The following GALNT2 variants were observed in gnomAD, a reference collection of about 807,000 sequenced individuals.
GALNT2 encodes the protein polypeptide N-acetylgalactosaminyltransferase 2, also known as UDP-GalNAc:polypeptide N-acetylgalactosaminyltransferase 2.
In GALNT2, 31 loss-of-function variants were observed where a neutral mutation model predicts 81.4. That is an observed-to-expected ratio of 0.38 (90% confidence interval 0.29 to 0.51). The LOEUF is 0.51. Ranked by LOEUF, GALNT2 falls within the 20% of genes least tolerant of loss-of-function variation. The pLI, the probability that GALNT2 is intolerant of heterozygous loss-of-function variation, is 0.87. For synonymous variants in GALNT2, 303 were observed against 287.4 expected (o/e 1.05, Z -0.55); for missense variants, 629 against 765.7 (o/e 0.82, Z 2.11).
chr1:230,129,023 C>A (rs1001592848), intron 1 of GALNT2, among the ~76,000 whole-genome samples: 4 of 152,240 alleles, frequency 2.6e-5, no homozygotes, highest in Non-Finnish European at 5.9e-5. Flanking sequence ...AAGCACACAC[C>A]CTGCTTTTAC....
intron 3 of GALNT2, among the ~76,000 whole-genome samples, chr1:230,224,621 T>C (rs1406824343): frequency 6.6e-6 from 1 of 152,260 alleles, no homozygotes; most frequent in Non-Finnish European, 1.5e-5. Flanking sequence ...CTAATGTTTT[T>C]CCCCTTCTGT....
At chr1:230,115,347 A>G (rs911097771) in intron 1 of GALNT2, among the ~76,000 whole-genome samples, 3 of 152,064 alleles carry the variant, frequency 2.0e-5, no homozygotes, top group Admixed American at 6.6e-5. Flanking sequence ...ACGTCTGAGA[A>G]AATTGTGGGT....
intron 1 of GALNT2, among the ~76,000 whole-genome samples, chr1:230,110,286 A>T (rs1660663033): frequency 6.6e-6 from 1 of 152,000 alleles, no homozygotes; most frequent in African/African-American, 2.4e-5. Context: ...TTTTAGGGGG[A>T]CCAAAAGGAT....
At chr1:230,136,427 A>G (rs963063479) in intron 1 of GALNT2, among the ~76,000 whole-genome samples, 1 of 152,134 alleles carries the variant, frequency 6.6e-6, no homozygotes, top group African/African-American at 2.4e-5. Flanking sequence ...CTCTTTAGAC[A>G]TCGAACCTAA....
At chr1:230,185,128 C>T (rs1663282425) in intron 2 of GALNT2, among the ~76,000 whole-genome samples, 1 of 152,074 alleles carries the variant, frequency 6.6e-6, no homozygotes, top group East Asian at 1.9e-4. Flanking sequence ...TCTGTCTGTT[C>T]TTGTGTGTTA....
chr1:230,217,194 A>AG (rs147293307), intron 3 of GALNT2, among the ~76,000 whole-genome samples: 6,725 of 152,200 alleles, frequency 0.044, 193 homozygotes, highest in Non-Finnish European at 0.064. Context: ...AATACAGAAG[A>AG]GAAAAAAAAA....
chr1:230,176,432 T>G (rs1333117374), intron 1 of GALNT2, among the ~76,000 whole-genome samples: 1 of 152,204 alleles, frequency 6.6e-6, no homozygotes, highest in Non-Finnish European at 1.5e-5. Context: ...GCTACAAGTT[T>G]AAATGATTTG....
intron 1 of GALNT2, among the ~76,000 whole-genome samples, chr1:230,166,961 T>C (rs1259560669): frequency 6.6e-6 from 1 of 152,230 alleles, no homozygotes; most frequent in Non-Finnish European, 1.5e-5. Context: ...ACCTGGGCTG[T>C]ACTGCCAAGA....
In GALNT2 at chr1:230,077,645, G is replaced by C. The variant is rs551551907; in HGVS notation, c.126+10239G>C. Among the ~76,000 whole-genome samples the C allele has an allele frequency of 2.0e-5, 3 of 152,150 alleles. No homozygotes were observed. In the South Asian group the frequency reaches 6.2e-4, roughly 32 times the overall value. On this transcript the variant is annotated intron_variant, in intron 1 of 15. Transcript: ENST00000366672. ...CAAAGTGTTCTAAAAGTTTTTCAGA[G>C]TCCAAGCACTCTGAGTCACTTTTTG...
At chr1:230,198,050 G>A (rs1038803276) in intron 2 of GALNT2, among the ~76,000 whole-genome samples, 6 of 152,192 alleles carry the variant, frequency 3.9e-5, no homozygotes, top group Non-Finnish European at 7.3e-5. Flanking sequence ...CGGCTGTATC[G>A]GCACGCAGCG....
chr1:230,169,389 A>G (rs1045953881), intron 1 of GALNT2, among the ~76,000 whole-genome samples: 14 of 152,238 alleles, frequency 9.2e-5, no homozygotes, highest in African/African-American at 3.4e-4. Flanking sequence ...GCCTAAGGTC[A>G]TAGAGATAGA....
Position 230,274,566 on chromosome 1 carries a change from T to TA in GALNT2, c.1560+3dup, listed in dbSNP as rs772499497. The stretch of plus-strand genomic sequence containing the variant: ...TGCCGAGAAAATGACAGCAGACAGG[T>TA]ACGGCTTGCAGGCACCCGTGGGTGC... On this transcript the variant is annotated splice_region_variant and intron_variant, in intron 15 of 15. Coordinates refer to ENST00000366672, the MANE Select transcript of GALNT2 (RefSeq NM_004481.5). 3.8e-5 allele frequency: 62 copies of TA among 1,613,614 alleles called. No individual in the cohort carries two copies. The highest frequency in any genetic ancestry group is 5.0e-5 in the Non-Finnish European group (59 of 1,179,838).
rs747156553 is a variant in GALNT2 at position 230,255,225 on chromosome 1, G to C, written c.1017G>C (p.Ser339=). Residue 339 remains serine (S), a synonymous_variant, in exon 11 of 16, where the codon TCG becomes TCC. Transcript: ENST00000366672. ...TCTTGTTCATCGTCTCAGAGATCTC[G>C]TTCCGCGTGTGGCAGTGTGGTGGCA... ...DVWGGENLEI[S]FRVWQCGGSL... 2.2e-5 allele frequency: 35 copies of C among 1,614,084 alleles called. No homozygotes were observed. The highest frequency in any genetic ancestry group is 3.0e-5 in the Non-Finnish European group (35 of 1,180,048).
At chr1:230,084,678 T>C (rs1360746456) in intron 1 of GALNT2, among the ~76,000 whole-genome samples, 3 of 152,140 alleles carry the variant, frequency 2.0e-5, no homozygotes, top group African/African-American at 4.8e-5. Flanking sequence ...GTTCAAGGCA[T>C]CCCTGGCCCC....
At chr1:230,217,528 G>T (rs912291001) in intron 3 of GALNT2, among the ~76,000 whole-genome samples, 1 of 152,340 alleles carries the variant, frequency 6.6e-6, no homozygotes, top group Admixed American at 6.5e-5. Context: ...CATGGTAAGG[G>T]CATTGGCTTT....
intron 3 of GALNT2, among the ~76,000 whole-genome samples, chr1:230,224,511 C>T (rs1453625780): frequency 6.6e-6 from 1 of 152,182 alleles, no homozygotes; most frequent in African/African-American, 2.4e-5. Context: ...AATGTAGTGT[C>T]TGTAAAACTG....
At chr1:230,141,405 A>G (rs1661727642) in intron 1 of GALNT2, among the ~76,000 whole-genome samples, 1 of 152,166 alleles carries the variant, frequency 6.6e-6, no homozygotes. Flanking sequence ...GAACTCTTTC[A>G]TCTTGCAAAA....
chr1:230,172,651 C>A (rs766517364), intron 1 of GALNT2, among the ~76,000 whole-genome samples: 2 of 152,166 alleles, frequency 1.3e-5, no homozygotes, highest in Non-Finnish European at 2.9e-5. Context: ...CCTCCTCATC[C>A]CCACGGCGCC....
chr1:230,233,377 G>A (rs1664926325), intron 3 of GALNT2, among the ~76,000 whole-genome samples: 1 of 152,216 alleles, frequency 6.6e-6, no homozygotes, highest in South Asian at 2.1e-4. Context: ...CACTTTGGGA[G>A]GCCAAGGCAG....
Sources: allele counts gnomAD v4.1 joint callset (sites outside exome capture counted in the v4.1 genomes callset), GRCh38; gene constraint gnomAD v4.1.1; transcripts MANE v1.5; gene names NCBI Gene and HGNC (gene_info 2026-07-23, HGNC 2026-07-21).